Variants in CNST observed in about 807,000 individuals in gnomAD.
CNST encodes consortin, connexin sorting protein.
A neutral mutation model predicts 72.4 loss-of-function variants in CNST; 39 were observed. That is an observed-to-expected ratio of 0.54 (90% CI 0.42 to 0.70). CNST has a LOEUF of 0.70. Ranked by LOEUF, CNST falls within the 30% of genes least tolerant of loss-of-function variation. The pLI is 0.00. For missense variants in CNST, 871 were observed against 868.5 expected (o/e 1.00, Z -0.04); for synonymous variants, 332 against 320.1 (o/e 1.04, Z -0.40).
chr1:246,594,371 C>G (rs1045913455), intron 2 of CNST, among the ~76,000 whole-genome samples: 4 of 152,104 alleles, frequency 2.6e-5, no homozygotes, highest in Non-Finnish European at 4.4e-5. Context: ...TTTAGAATTA[C>G]TATTCCCTAA....
intron 6 of CNST, among the ~76,000 whole-genome samples, chr1:246,638,511 G>A (rs1233456239): frequency 6.6e-6 from 1 of 152,216 alleles, no homozygotes; most frequent in African/African-American, 2.4e-5. Flanking sequence ...AGATGGACAA[G>A]TGTGAGTGCA....
chr1:246,613,331 G>A (rs1385040491), intron 2 of CNST, among the ~76,000 whole-genome samples: 1 of 152,140 alleles, frequency 6.6e-6, no homozygotes, highest in Non-Finnish European at 1.5e-5. Context: ...TCCTCAGGGT[G>A]TGTTGGTGGC....
At chr1:246,600,923 G>A (rs755538288) in intron 2 of CNST, among the ~76,000 whole-genome samples, 15 of 152,116 alleles carry the variant, frequency 9.9e-5, no homozygotes, top group Non-Finnish European at 1.9e-4. Flanking sequence ...CATTTTTGCA[G>A]GAGACAGAAT....
intron 9 of CNST, among the ~76,000 whole-genome samples, chr1:246,655,612 T>C (rs963317706): frequency 2.0e-5 from 3 of 152,206 alleles, no homozygotes; most frequent in African/African-American, 7.2e-5. Flanking sequence ...AGAGTCTTAT[T>C]TGAAAGTTCT....
chr1:246,632,370 CGTT>C (rs1664830254), intron 4 of CNST: 2 of 263,230 alleles, frequency 7.6e-6, no homozygotes, highest in South Asian at 5.2e-5. Flanking sequence ...TCGTATCTGT[CGTT>C]GTAATTGGTC....
At chr1:246,612,973 C>T (rs189808073) in intron 2 of CNST, among the ~76,000 whole-genome samples, 13 of 152,196 alleles carry the variant, frequency 8.5e-5, no homozygotes, top group Non-Finnish European at 4.4e-5. Context: ...AAACATAGTT[C>T]TCGAGCATTT....
In CNST at chr1:246,566,557, A is replaced by C. The variant is rs1659695088; in HGVS notation, c.-158A>C. On this transcript the variant is annotated 5_prime_UTR_variant, in exon 1 of 11. Transcript: ENST00000366513. ...GTGTCTCCTCCACCGGAGCCAGGGG[A>C]GACCCGAGCAAGCTCCGTGACAGCA... is the stretch of plus-strand genomic sequence containing the variant. 4.8e-6 allele frequency: 2 copies of C among 413,792 alleles called. No homozygotes were observed. Among genetic ancestry groups the C allele is most frequent in the Admixed American group, 3.9e-5 (1 of 25,352 alleles). The allele number at this position is 413,792 out of a possible 1,614,324, so 25.6% of individuals were successfully genotyped here. A position where few individuals can be genotyped will look rare whatever the true frequency, so the allele number is the denominator to read the frequency against.
At chr1:246,638,194 C>T (rs1185958657) in intron 6 of CNST, among the ~76,000 whole-genome samples, 1 of 152,174 alleles carries the variant, frequency 6.6e-6, no homozygotes. Flanking sequence ...AGCGCCCTTC[C>T]TTGATGTACC....
chr1:246,623,964 A>T (rs949193250), intron 3 of CNST, among the ~76,000 whole-genome samples: 1 of 150,834 alleles, frequency 6.6e-6, no homozygotes, highest in Non-Finnish European at 1.5e-5. Context: ...TCAGGACGCT[A>T]AGGTGGGAGG....
At chr1:246,584,812 G>T (rs77902094) in intron 1 of CNST, among the ~76,000 whole-genome samples, 1 of 151,880 alleles carries the variant, frequency 6.6e-6, no homozygotes, top group South Asian at 2.1e-4. Flanking sequence ...CCCTGCCTCC[G>T]GTATATGGAT....
chr1:246,626,619 G>A (rs1321742899), intron 3 of CNST, among the ~76,000 whole-genome samples: 1 of 151,042 alleles, frequency 6.6e-6, no homozygotes, highest in Non-Finnish European at 1.5e-5. Flanking sequence ...ACCACACCTG[G>A]CTAATTTTTA....
intron 9 of CNST, among the ~76,000 whole-genome samples, chr1:246,653,310 A>G (rs1666590877): frequency 6.6e-6 from 1 of 152,194 alleles, no homozygotes; most frequent in Non-Finnish European, 1.5e-5. Context: ...TTACTTTACG[A>G]CTAGCTGCTG....
At chr1:246,646,749 GGACTACAGGCGTGA>G (rs969868676) in intron 8 of CNST, among the ~76,000 whole-genome samples, 86 of 152,310 alleles carry the variant, frequency 5.6e-4, no homozygotes, top group African/African-American at 1.9e-3. Context: ...CAAAGTGCTG[GGACTACAGGCGTGA>G]GCCACTGTGC....
intron 6 of CNST, among the ~76,000 whole-genome samples, chr1:246,637,861 G>A (rs762324355): frequency 6.6e-6 from 1 of 152,132 alleles, no homozygotes; most frequent in Non-Finnish European, 1.5e-5. Flanking sequence ...TGTTGGGAAC[G>A]CTTCTACCCA....
chr1:246,659,859 AAG>A (rs1666989561), intron 9 of CNST, among the ~76,000 whole-genome samples: 1 of 152,204 alleles, frequency 6.6e-6, no homozygotes, highest in South Asian at 2.1e-4. Flanking sequence ...TGACGAAGCA[AAG>A]AGGGGACTGT....
rs948473004 is a variant in CNST at position 246,667,732 on chromosome 1, T to C, written c.*1827T>C. 4.6e-5 allele frequency: 7 copies of C among 152,252 alleles called. No homozygotes were observed. The highest frequency in any genetic ancestry group is 7.3e-5 in the Non-Finnish European group (5 of 68,038). 9.4% of individuals were successfully genotyped at this position (152,252 alleles called of 1,614,324 possible). A position where few individuals can be genotyped will look rare whatever the true frequency, so the allele number is the denominator to read the frequency against. Reference sequence around the variant, plus strand: ...AAGCTATTCACAAGTTCTACTGTGATGGACATCCTCATCATAGACAAACCT... The same window carrying C: ...AAGCTATTCACAAGTTCTACTGTGACGGACATCCTCATCATAGACAAACCT... On this transcript the variant is annotated 3_prime_UTR_variant, in exon 11 of 11. Transcript: ENST00000366513.
intron 2 of CNST, among the ~76,000 whole-genome samples, chr1:246,610,369 C>T (rs1257218371): frequency 6.6e-6 from 1 of 152,174 alleles, no homozygotes; most frequent in Non-Finnish European, 1.5e-5. Context: ...CCTACATTGT[C>T]TTCCTGATTT....
rs193063551 is a variant in CNST, at chr1:246,591,015, T to A, written c.-51-497T>A. ...TACTTTTTTCTAGGTTATTTTTTTT[T>A]AAAATCTTCAAACATTTTCATTTCC... On this transcript the variant is annotated intron_variant, in intron 1 of 10. Coordinates refer to ENST00000366513, the MANE Select transcript of CNST (RefSeq NM_152609.3). 2.1e-3 allele frequency among the ~76,000 whole-genome samples: 325 copies of A among 152,180 alleles called. 3 individuals carry two copies. The highest frequency in any genetic ancestry group is 7.4e-3 in the African/African-American group (307 of 41,540).
At chr1:246,597,128 C>T (rs1453518689) in intron 2 of CNST, among the ~76,000 whole-genome samples, 2 of 152,176 alleles carry the variant, frequency 1.3e-5, no homozygotes, top group African/African-American at 4.8e-5. Context: ...TCCAAAGCAA[C>T]TGCACCATTT....
Sources: gnomAD v4.1 joint callset for allele counts (sites outside exome capture counted in the v4.1 genomes callset) on GRCh38, gnomAD v4.1.1 for gene constraint, MANE v1.5 for transcripts, NCBI Gene and HGNC (gene_info 2026-07-23, HGNC 2026-07-21) for gene names.